DHRSX: variants seen among roughly 807,000 people sequenced by gnomAD.
The protein encoded by DHRSX is polyprenol dehydrogenase.
In DHRSX, 31 loss-of-function variants were observed where a neutral mutation model predicts 34.0. The ratio of observed to expected loss-of-function variants is 0.91; its 90% confidence interval spans 0.69 to 1.23. DHRSX has a LOEUF of 1.23. Ranked by LOEUF, DHRSX falls within the 50% of genes most tolerant of loss-of-function variation. The probability of loss-of-function intolerance (pLI) is 0.00; values close to 1 mark genes in which losing one functional copy is unlikely to be tolerated. For missense variants in DHRSX, 414 were observed against 428.1 expected (o/e 0.97, Z 0.29); for synonymous variants, 201 against 183.8 (o/e 1.09, Z -0.76).
At chrX:2,441,713 A>G (rs1268558072) in intron 1 of DHRSX, among the ~76,000 whole-genome samples, 2 of 152,098 alleles carry the variant, frequency 1.3e-5, no homozygotes, top group African/African-American at 4.8e-5. Context: ...TATCGGCTTC[A>G]CTCAAAGTCT....
chrX:2,317,018 C>T (rs189176659), intron 3 of DHRSX, among the ~76,000 whole-genome samples: 7 of 152,230 alleles, frequency 4.6e-5, no homozygotes, highest in Non-Finnish European at 8.8e-5. Flanking sequence ...AGTGCAATGG[C>T]GCCATCTCGG....
intron 1 of DHRSX, among the ~76,000 whole-genome samples, chrX:2,462,134 C>G (rs1426685593): frequency 2.0e-5 from 3 of 150,496 alleles, no homozygotes; most frequent in East Asian, 2.0e-4. Context: ...AGTGTTAGAT[C>G]TGAACTCTTT....
At chrX:2,296,183 G>A (rs2041929601) in intron 3 of DHRSX, among the ~76,000 whole-genome samples, 1 of 152,098 alleles carries the variant, frequency 6.6e-6, no homozygotes, top group African/African-American at 2.4e-5. Flanking sequence ...ACGTAACTTT[G>A]GAACATACAT....
At chrX:2,289,371 G>A (rs929487645) in intron 4 of DHRSX, among the ~76,000 whole-genome samples, 1 of 152,122 alleles carries the variant, frequency 6.6e-6, no homozygotes, top group Non-Finnish European at 1.5e-5. Context: ...ACTCACCTCA[G>A]CCTCCCAAAG....
chrX:2,450,025 C>T (rs867621830), intron 1 of DHRSX, among the ~76,000 whole-genome samples: 3 of 152,060 alleles, frequency 2.0e-5, no homozygotes, highest in Non-Finnish European at 4.4e-5. Context: ...ATTACACTGA[C>T]GAAAACCTCA....
At chrX:2,223,726 G>A (rs997115105) in intron 6 of DHRSX, among the ~76,000 whole-genome samples, 3 of 151,838 alleles carry the variant, frequency 2.0e-5, no homozygotes, top group African/African-American at 7.3e-5. Context: ...TTATTGATCT[G>A]TTTCATGCTT....
Position 2,247,655 on chromosome X carries a change from C to CAA in DHRSX, c.597-4427_597-4426dup, listed in dbSNP as rs752111695. 8.3e-3 allele frequency among the ~76,000 whole-genome samples: 804 copies of CAA among 96,804 alleles called. 12 individuals carry two copies. The highest frequency in any genetic ancestry group is 0.028 in the African/African-American group (728 of 26,218). 63.5% of individuals were successfully genotyped at this position (96,804 alleles called of 152,430 possible). A position where few individuals can be genotyped will look rare whatever the true frequency, so the allele number is the denominator to read the frequency against. On this transcript the variant is annotated intron_variant, in intron 5 of 6. Coordinates refer to ENST00000334651, the MANE Select transcript of DHRSX (RefSeq NM_145177.3). ...GGTGATAGAGTGAAACTCCGTCTCA[C>CAA]AAAAAAAAAAAAAAAAAAAAAATTA... is the stretch of plus-strand genomic sequence containing the variant.
chrX:2,258,685 GC>G (rs1314388712), intron 5 of DHRSX, among the ~76,000 whole-genome samples: 1 of 152,106 alleles, frequency 6.6e-6, no homozygotes, highest in Non-Finnish European at 1.5e-5. Context: ...TATTATGGCA[GC>G]CCCAGCAAAG....
At chrX:2,351,736 G>A (rs1569492634) in intron 3 of DHRSX, among the ~76,000 whole-genome samples, 3 of 152,128 alleles carry the variant, frequency 2.0e-5, no homozygotes, top group African/African-American at 4.8e-5. Context: ...CAGACTGAGA[G>A]CCCTCCCTGC....
chrX:2,282,487 G>A (rs1050538213), intron 4 of DHRSX, among the ~76,000 whole-genome samples: 3 of 143,674 alleles, frequency 2.1e-5, no homozygotes, highest in Non-Finnish European at 4.7e-5. Flanking sequence ...GGGACACAGA[G>A]GAAGACAAAG....
In DHRSX at chrX:2,402,330, G is replaced by T. The variant is rs192195155; in HGVS notation, c.286+6415C>A. On this transcript the variant is annotated intron_variant, in intron 3 of 6. Coordinates refer to ENST00000334651, the MANE Select transcript of DHRSX (RefSeq NM_145177.3). ...GGGACAAGAATCAGAGTTCCAGCAG[G>T]TGCAGGCCAGTCCAGAGAGAAGCAC... Among the ~76,000 whole-genome samples, 1,187 of 152,354 alleles carry T rather than the reference G, an allele frequency of 7.8e-3. 32 individuals are homozygous for T. The highest frequency in any genetic ancestry group is 0.038 in the East Asian group (197 of 5,188).
rs753450738 is a variant in DHRSX, at chrX:2,398,036, G to A, written c.286+10709C>T. Among the ~76,000 whole-genome samples the A allele has an allele frequency of 2.0e-5, 3 of 150,150 alleles. No homozygotes were observed. The South Asian group carries it at 6.4e-4, about 32-fold the overall frequency. On this transcript the variant is annotated intron_variant, in intron 3 of 6. Coordinates refer to ENST00000334651, the MANE Select transcript of DHRSX (RefSeq NM_145177.3). Reference sequence around the variant, plus strand: ...TGATCTCACACACATAGATACATATGCCAACAGGCTGATATATTCAGGGTC... The same window carrying A: ...TGATCTCACACACATAGATACATATACCAACAGGCTGATATATTCAGGGTC...
intron 5 of DHRSX, among the ~76,000 whole-genome samples, chrX:2,248,877 T>G (rs765996178): frequency 6.6e-6 from 1 of 152,200 alleles, no homozygotes; most frequent in Non-Finnish European, 1.5e-5. Context: ...CAGACGTCGT[T>G]GAACCTAAGC....
At chrX:2,457,372 G>T (rs1394650412) in intron 1 of DHRSX, among the ~76,000 whole-genome samples, 1 of 151,898 alleles carries the variant, frequency 6.6e-6, no homozygotes, top group Admixed American at 6.6e-5. Flanking sequence ...ACACACTGAA[G>T]ACGTTCCCTA....
At chrX:2,489,530 A>G in intron 1 of DHRSX, 2 of 1,612,962 alleles carry the variant, frequency 1.2e-6, no homozygotes, top group South Asian at 2.2e-5. Context: ...GAGCTCCACC[A>G]GCCCCTCGAT....
At chrX:2,359,442 C>G (rs1389987307) in intron 3 of DHRSX, among the ~76,000 whole-genome samples, 1 of 152,122 alleles carries the variant, frequency 6.6e-6, no homozygotes. Context: ...CTTTGGGAGG[C>G]CAAGGCGGGT....
chrX:2,474,635 C>G (rs1431370468), intron 1 of DHRSX, among the ~76,000 whole-genome samples: 2 of 146,328 alleles, frequency 1.4e-5, no homozygotes, highest in East Asian at 2.0e-4. Flanking sequence ...ACACCAAAGA[C>G]GTTCCCTAAC....
intron 6 of DHRSX, among the ~76,000 whole-genome samples, chrX:2,234,363 T>G (rs2015965964): frequency 6.6e-6 from 1 of 150,674 alleles, no homozygotes; most frequent in South Asian, 2.1e-4. Context: ...ATTCAATATT[T>G]CCCTCCCTGC....
chrX:2,488,519 G>A (rs913600200), intron 1 of DHRSX: 214 of 1,312,636 alleles, frequency 1.6e-4, no homozygotes, highest in Non-Finnish European at 1.7e-4. Context: ...CCTTCTAGGT[G>A]TCAAAGACAG....
Sources: allele counts gnomAD v4.1 joint callset (sites outside exome capture counted in the v4.1 genomes callset), GRCh38; gene constraint gnomAD v4.1.1; transcripts MANE v1.5; gene names NCBI Gene and HGNC (gene_info 2026-07-23, HGNC 2026-07-21).